CCNB3: variants seen among roughly 807,000 people sequenced by gnomAD.
CCNB3 encodes G2/mitotic-specific cyclin-B3.
A neutral mutation model predicts 68.0 loss-of-function variants in CCNB3; 12 were observed. The ratio of observed to expected loss-of-function variants is 0.18; its 90% CI spans 0.11 to 0.29. The LOEUF is 0.29. CCNB3 is among the 10% of genes least tolerant of loss of function. The pLI is 1.00. For synonymous variants in CCNB3, 354 were observed against 388.9 expected (o/e 0.91, Z 1.06); for missense variants, 904 against 993.1 (o/e 0.91, Z 1.21).
At chrX:50,279,449 TATAA>T (rs1936043126) in intron 1 of CCNB3, among the ~76,000 whole-genome samples, 8 of 72,536 alleles carry the variant, frequency 1.1e-4, no homozygotes, top group African/African-American at 3.9e-4. Context: ...TATATAAATA[TATAA>T]ATATATATAA....
intron 8 of CCNB3, among the ~76,000 whole-genome samples, chrX:50,324,875 G>T (rs1922218292): frequency 9.0e-6 from 1 of 110,542 alleles, no homozygotes; most frequent in Admixed American, 9.6e-5. Context: ...CCTGTTTTTT[G>T]TTGTTTTTTT....
In CCNB3 at chrX:50,310,804, G is replaced by A; in HGVS notation, c.2635G>A (p.Ala879Thr). ...GGAGGCCCTCTTTAAGCGACACTCA[G>A]CTTTGTGGGAGAAGCCCAGCACTGA... ...EQEALFKRHSALWEKPSTEKE... is the reference protein window; with the variant it reads ...EQEALFKRHSTLWEKPSTEKE... The change falls in exon 6 of 13, where the codon GCT (alanine) becomes ACT (threonine). Residue 879 changes from alanine to threonine, a missense_variant. Physicochemically the swap from Ala to Thr is moderately conservative, Grantham distance 58. This residue lies in a region of CCNB3 where 619 missense variants were observed against 609.8 expected (regional missense o/e 1.02). Transcript: ENST00000376042. The A allele has an allele frequency of 8.3e-7, 1 of 1,211,871 alleles. No individual in the cohort carries two copies. The highest frequency in any genetic ancestry group is 1.8e-5 in the South Asian group (1 of 56,964).
chrX:50,346,628 A>C (rs1322311575), intron 9 of CCNB3, 24 bp from the exon 10 acceptor site: 1 of 1,188,122 alleles, frequency 8.4e-7, no homozygotes, highest in Non-Finnish European at 1.1e-6. Context: ...TCTGGTTGTC[A>C]CCTCCTCTCC....
chrX:50,340,625 G>A (rs782237780), intron 8 of CCNB3, among the ~76,000 whole-genome samples: 3 of 112,460 alleles, frequency 2.7e-5, no homozygotes, highest in East Asian at 5.6e-4. Flanking sequence ...TGAGGCAGGA[G>A]TAACCTTTGG....
chrX:50,320,743 T>G (rs1347890160), intron 8 of CCNB3, among the ~76,000 whole-genome samples: 1 of 110,860 alleles, frequency 9.0e-6, no homozygotes, highest in African/African-American at 3.3e-5. Flanking sequence ...TCAACTATAA[T>G]TGTGGATTTG....
intron 5 of CCNB3, among the ~76,000 whole-genome samples, chrX:50,303,360 G>T (rs1368272855): frequency 9.1e-6 from 1 of 110,303 alleles, no homozygotes; most frequent in Non-Finnish European, 1.9e-5. Flanking sequence ...TGGCCAGGCT[G>T]GTCTCAAACT....
intron 1 of CCNB3, among the ~76,000 whole-genome samples, chrX:50,228,908 A>G (rs1423575825): frequency 5.6e-4 from 25 of 44,822 alleles, no homozygotes; most frequent in Non-Finnish European, 8.3e-4. Flanking sequence ...GAATATATAT[A>G]TAGAATATAT....
At chrX:50,285,328 C>T in intron 3 of CCNB3, 69 bp downstream of exon 3, 1 of 817,575 alleles carries the variant, frequency 1.2e-6, no homozygotes, top group African/African-American at 2.0e-5. Context: ...AGTACCTATC[C>T]TCACCTGTGA....
intron 1 of CCNB3, among the ~76,000 whole-genome samples, chrX:50,280,117 A>AAT: frequency 1.2e-5 from 1 of 81,414 alleles, no homozygotes; most frequent in Non-Finnish European, 2.3e-5. Flanking sequence ...AGAATATATA[A>AAT]ATATATATAG....
At chrX:50,289,020 C>A in intron 4 of CCNB3, 133 bp downstream of exon 4, 1 of 429,917 alleles carries the variant, frequency 2.3e-6, no homozygotes, top group Non-Finnish European at 4.0e-6. Flanking sequence ...ACCAATGACC[C>A]AGTTTCAGAA....
intron 9 of CCNB3, among the ~76,000 whole-genome samples, chrX:50,346,317 G>A (rs1557220276): frequency 8.9e-6 from 1 of 112,042 alleles, no homozygotes; most frequent in Non-Finnish European, 1.9e-5. Flanking sequence ...GAAGGCCTTA[G>A]ATTTCAACAT....
chrX:50,342,390 C>G, intron 9 of CCNB3, 51 bp downstream of exon 9: 1 of 1,083,581 alleles, frequency 9.2e-7, no homozygotes, highest in Non-Finnish European at 1.2e-6. Context: ...TCTGTCCAAC[C>G]CAGTGAATGA....
intron 5 of CCNB3, among the ~76,000 whole-genome samples, chrX:50,300,366 A>C (rs1403245563): frequency 1.8e-5 from 2 of 111,137 alleles, no homozygotes; most frequent in African/African-American, 3.3e-5. Context: ...TTGTCTGTAA[A>C]GGATTTTATT....
At chrX:50,299,740 G>A (rs1557211989) in intron 5 of CCNB3, among the ~76,000 whole-genome samples, 2 of 110,961 alleles carry the variant, frequency 1.8e-5, no homozygotes, top group Non-Finnish European at 3.8e-5. Context: ...GGGTGTTAAA[G>A]TCTCCCATTA....
intron 1 of CCNB3, among the ~76,000 whole-genome samples, chrX:50,225,912 T>C (rs1309169825): frequency 9.8e-6 from 1 of 101,607 alleles, no homozygotes; most frequent in South Asian, 4.4e-4. Flanking sequence ...TTTTAGATGA[T>C]ATTTAAAGTC....
In CCNB3 at chrX:50,342,352, C is replaced by G; in HGVS notation, c.3654+13C>G. The G allele has an allele frequency of 8.5e-7, 1 of 1,175,839 alleles. No individual in the cohort carries two copies. The highest frequency in any genetic ancestry group is 1.8e-5 in the African/African-American group (1 of 56,540). ...AGCAAAATTTGAGGTGAGTCTGAGT[C>G]CCTATGGCCTGGAGAACTAATCAAG... On this transcript the variant is annotated intron_variant, in intron 9 of 12. Coordinates refer to ENST00000376042, the MANE Select transcript of CCNB3 (RefSeq NM_033031.3).
Position 50,305,776 on chromosome X carries a change from CTTTTTTTT to C in CCNB3, c.336-2716_336-2709del, listed in dbSNP as rs146498028. On this transcript the variant is annotated intron_variant, in intron 5 of 12. Coordinates refer to ENST00000376042, the MANE Select transcript of CCNB3 (RefSeq NM_033031.3). ...GATATGGGTTTTTTTTTCTTTCTTTCTTTTTTTTTTTTTTTTTTTTGACGGAGTCTTGC... is the reference window on the plus strand; with the variant it reads ...GATATGGGTTTTTTTTTCTTTCTTTCTTTTTTTTTTTTGACGGAGTCTTGC... 4.9e-3 allele frequency among the ~76,000 whole-genome samples: 182 copies of C among 37,163 alleles called. 4 individuals carry two copies. In the East Asian group the frequency reaches 0.11, roughly 22 times the overall value. The allele number at this position is 37,163 out of a possible 115,157, so 32.3% of individuals were successfully genotyped here.
At chrX:50,216,244 C>T (rs1279648768) in intron 1 of CCNB3, among the ~76,000 whole-genome samples, 4 of 105,992 alleles carry the variant, frequency 3.8e-5, no homozygotes, top group East Asian at 3.0e-4. Flanking sequence ...TGAGCCACCG[C>T]GCCAGGCCTT....
At chrX:50,281,853 G>A (rs186805462) in intron 1 of CCNB3, among the ~76,000 whole-genome samples, 21 of 111,256 alleles carry the variant, frequency 1.9e-4, no homozygotes, top group Non-Finnish European at 3.6e-4. Flanking sequence ...CAGGTTGAAG[G>A]ATATGAAGGG....
Sources: gnomAD v4.1 joint callset for allele counts (sites outside exome capture counted in the v4.1 genomes callset) on GRCh38, gnomAD v4.1.1 for gene constraint, gnomAD v4.1.1 regional missense constraint, MANE v1.5 for transcripts, NCBI Gene and HGNC (gene_info 2026-07-23, HGNC 2026-07-21) for gene names.